The following TNPO3 variants were observed in gnomAD, a reference collection of about 807,000 sequenced individuals.
TNPO3 encodes transportin-3.
TNPO3 carries 65 observed loss-of-function variants against 122.8 expected under a neutral mutation model. The observed-to-expected ratio is 0.53, with a 90% CI of 0.43 to 0.65. The LOEUF is 0.65. TNPO3 is among the 30% of genes least tolerant of loss of function. TNPO3 has a pLI of 0.00. For synonymous variants in TNPO3, 372 were observed against 411.2 expected, an observed-to-expected ratio of 0.90 and a Z score of 1.15; for missense variants, 850 against 1,136.7, an observed-to-expected ratio of 0.75 and a Z score of 3.63.
At chr7:129,015,185 A>C (rs755178115) in intron 3 of TNPO3, 50 bp from the exon 4 acceptor site, 2 of 1,583,730 alleles carry the variant, frequency 1.3e-6, no homozygotes, top group Non-Finnish European at 8.6e-7. Context: ...GAAAATACAC[A>C]ATCACATAAG....
intron 1 of TNPO3, among the ~76,000 whole-genome samples, chr7:129,048,428 G>A (rs1808306063): frequency 6.6e-6 from 1 of 152,152 alleles, no homozygotes; most frequent in Admixed American, 6.5e-5. Flanking sequence ...TACTTGGGAG[G>A]CTGAGGCAAG....
At chr7:129,030,040 GA>G (rs1303542035) in intron 1 of TNPO3, 3 of 152,814 alleles carry the variant, frequency 2.0e-5, no homozygotes, top group Non-Finnish European at 4.4e-5. Flanking sequence ...AAGAAAGAAA[GA>G]AAAAAAAGAA....
At chr7:129,049,424 G>A (rs1808442458) in intron 1 of TNPO3, among the ~76,000 whole-genome samples, 1 of 152,194 alleles carries the variant, frequency 6.6e-6, no homozygotes, top group Non-Finnish European at 1.5e-5. Flanking sequence ...AAAGGTGATG[G>A]TGTATTTATA....
intron 4 of TNPO3, among the ~76,000 whole-genome samples, chr7:129,009,914 G>A (rs1802997203): frequency 1.3e-5 from 2 of 152,052 alleles, no homozygotes; most frequent in South Asian, 4.1e-4. Flanking sequence ...TGAAAGTTAG[G>A]AAACTGACTG....
At position 129,000,563 on chromosome 7, in the gene TNPO3, G is replaced by C; in HGVS notation, c.877C>G (p.Leu293Val). ...AVAREDLDKVLNYCRIFTELC... is the reference protein window; with the variant it reads ...AVAREDLDKVVNYCRIFTELC... ...TCAGTGAAAATACGGCAGTAATTCA[G>C]AACTCTGTAGAAGACAGGGGAATGA... Residue 293 changes from leucine to valine, a missense_variant, in exon 7 of 23, where the codon CTG (leucine) becomes GTG (valine). Leu to Val is a conservative substitution (Grantham distance 32, BLOSUM62 1). Coordinates refer to ENST00000265388, the MANE Select transcript of TNPO3 (RefSeq NM_012470.4). 2 of 1,613,376 alleles carry C rather than the reference G, an allele frequency of 1.2e-6. No homozygotes were observed. The highest frequency in any genetic ancestry group is 1.7e-6 in the Non-Finnish European group (2 of 1,179,688).
Position 128,970,201 on chromosome 7 carries a change from T to G in TNPO3, c.2545A>C (p.Thr849Pro). Residue 849 changes from threonine to proline, a missense_variant, in exon 20 of 23, where the codon ACC becomes CCC. Thr to Pro is a conservative substitution (Grantham distance 38). Transcript: ENST00000265388. Reference protein sequence around the residue: ...HTCCFCLPPYTLPDVAEVLWE... With the variant: ...HTCCFCLPPYPLPDVAEVLWE... ...AGCACTTCAGCCACATCTGGTAGGG[T>G]ATAGGGGGGGAGGCAAAAGCAGCAG... 1 of 1,613,880 alleles carries G rather than the reference T, an allele frequency of 6.2e-7. No individual in the cohort carries two copies. Among genetic ancestry groups the G allele is most frequent in the Non-Finnish European group, 8.5e-7 (1 of 1,179,920 alleles).
intron 4 of TNPO3, among the ~76,000 whole-genome samples, chr7:129,008,827 C>A (rs1802872662): frequency 6.6e-6 from 1 of 152,096 alleles, no homozygotes; most frequent in South Asian, 2.1e-4. Context: ...CTTTAGACTT[C>A]CTGAATGATA....
At chr7:128,959,776 C>T (rs1015812698) in intron 21 of TNPO3, among the ~76,000 whole-genome samples, 2 of 152,158 alleles carry the variant, frequency 1.3e-5, no homozygotes, top group African/African-American at 4.8e-5. Flanking sequence ...AATCGCAGCA[C>T]TTTGGGAGGC....
At chr7:129,040,803 C>T (rs1807285886) in intron 1 of TNPO3, among the ~76,000 whole-genome samples, 1 of 152,102 alleles carries the variant, frequency 6.6e-6, no homozygotes, top group African/African-American at 2.4e-5. Context: ...AAGGAAGGCA[C>T]TATCTTCTAA....
At chr7:129,025,359 A>T in intron 1 of TNPO3, among the ~76,000 whole-genome samples, 1 of 23,282 alleles carries the variant, frequency 4.3e-5, no homozygotes, top group Non-Finnish European at 8.8e-5. Flanking sequence ...ACAAAAAAAA[A>T]AAAAAAAAAA....
chr7:128,985,920 A>G (rs1054840539), intron 12 of TNPO3, among the ~76,000 whole-genome samples: 3 of 152,248 alleles, frequency 2.0e-5, no homozygotes, highest in East Asian at 3.8e-4. Context: ...TTAACAAGTC[A>G]CAGAGGCTTA....
At position 128,975,917 on chromosome 7, in the gene TNPO3, C is replaced by T. The variant is rs775116339; in HGVS notation, c.2080G>A (p.Val694Ile). 8.7e-6 allele frequency: 14 copies of T among 1,613,084 alleles called. No homozygotes were observed. The South Asian group carries it at 1.1e-4, about 13-fold the overall frequency. Residue 694 changes from valine to isoleucine, a missense_variant, in exon 17 of 23, where the codon GTA (valine) becomes ATA (isoleucine). Transcript: ENST00000265388. The part of the protein sequence containing the change: ...LVTQMVNVYH[V>I]HQHSCFLYLG... ...TACAGGAAGCAGGAATGCTGATGTA[C>T]GTGGTACACATTCACCATCTGTTGA... is the stretch of plus-strand genomic sequence containing the variant.
chr7:129,023,416 G>C (rs1804762896), intron 1 of TNPO3, among the ~76,000 whole-genome samples: 1 of 151,796 alleles, frequency 6.6e-6, no homozygotes, highest in Non-Finnish European at 1.5e-5. Context: ...TCTATCCACT[G>C]AAAGCCCTAA....
chr7:129,008,636 C>T (rs965112886), intron 4 of TNPO3, among the ~76,000 whole-genome samples: 2 of 152,086 alleles, frequency 1.3e-5, no homozygotes, highest in African/African-American at 4.8e-5. Context: ...TAATTTAATA[C>T]GGTTCAAGGC....
At chr7:129,046,941 C>T (rs73465006) in intron 1 of TNPO3, among the ~76,000 whole-genome samples, 3,621 of 152,230 alleles carry the variant, frequency 0.024, 73 homozygotes, top group East Asian at 0.064. Context: ...TGCCACAAAT[C>T]GGGGGGTATT....
chr7:128,957,223 C>T lies in TNPO3; in HGVS notation c.*31+1G>A. ...AAAAGCTGGGAACTATGTATCCTCA[C>T]CTGGGTGACAGGCACAGTGCAGGAG... On this transcript the variant is annotated splice_donor_variant, in intron 22 of 22. Coordinates refer to ENST00000265388, the MANE Select transcript of TNPO3 (RefSeq NM_012470.4). LOFTEE classifies it low-confidence loss of function (3UTR_SPLICE). 6.2e-7 allele frequency: 1 copy of T among 1,613,644 alleles called. No homozygotes were observed. Among genetic ancestry groups the T allele is most frequent in the Non-Finnish European group, 8.5e-7 (1 of 1,179,552 alleles).
chr7:129,033,524 TATGGAAAAGGGG>T (rs1806194881), intron 1 of TNPO3, among the ~76,000 whole-genome samples: 2 of 152,294 alleles, frequency 1.3e-5, no homozygotes, highest in Admixed American at 1.3e-4. Flanking sequence ...GTGTAGCTAC[TATGGAAAAGGGG>T]ATGGAGGCTC....
chr7:129,010,983 T>C (rs1006972410), intron 4 of TNPO3, among the ~76,000 whole-genome samples: 1 of 152,108 alleles, frequency 6.6e-6, no homozygotes, highest in African/African-American at 2.4e-5. Context: ...TGAGTGCCCA[T>C]CTTCTTAATT....
intron 11 of TNPO3, 61 bp downstream of exon 11, chr7:128,989,900 T>G: frequency 5.7e-6 from 9 of 1,577,016 alleles, no homozygotes; most frequent in Non-Finnish European, 7.8e-6. Flanking sequence ...AAGTAAGAGA[T>G]GAGAAGAAAA....
Sources: gnomAD v4.1 joint callset for allele counts (sites outside exome capture counted in the v4.1 genomes callset) on GRCh38, gnomAD v4.1.1 for gene constraint, MANE v1.5 for transcripts, NCBI Gene and HGNC (gene_info 2026-07-23, HGNC 2026-07-21) for gene names.